The following RIMOC1 variants were observed in gnomAD, a reference collection of about 807,000 sequenced individuals.
RIMOC1 encodes RAB7A interacting MON1-CCZ1 complex subunit 1, also known as RAB7A-interacting MON1-CCZ1 complex subunit 1.
At chr5:41,917,149 T>G in the RIMOC1 span, 1 of 1,613,856 alleles carries the variant, frequency 6.2e-7, no homozygotes, top group Non-Finnish European at 8.5e-7. Context: ...CGGGCTGCAC[T>G]ACATACAAGG....
the RIMOC1 span, among the ~76,000 whole-genome samples, chr5:41,906,554 G>A: frequency 6.6e-6 from 1 of 152,196 alleles, no homozygotes; most frequent in Non-Finnish European, 1.5e-5. Context: ...CATATTCCAT[G>A]TAATTTCAGT....
the RIMOC1 span, chr5:41,921,280 T>A: frequency 1.3e-5 from 2 of 152,594 alleles, no homozygotes; most frequent in African/African-American, 2.4e-5. Flanking sequence ...ACCACATTTT[T>A]AAAAACTCAC....
the RIMOC1 span, among the ~76,000 whole-genome samples, chr5:41,913,689 GTTTC>G: frequency 6.6e-6 from 1 of 152,046 alleles, no homozygotes; most frequent in African/African-American, 2.4e-5. Context: ...AATTCTTCCT[GTTTC>G]TTTGTTAGCC....
At chr5:41,904,571 C>T in the RIMOC1 span, 1 of 1,114,822 alleles carries the variant, frequency 9.0e-7, no homozygotes, top group Admixed American at 2.2e-5. Context: ...TCCTTTGGGT[C>T]CCAGGCCGCA....
chr5:41,916,304 AG>A, the RIMOC1 span: 1 of 627,518 alleles, frequency 1.6e-6, no homozygotes, highest in South Asian at 7.1e-5. Flanking sequence ...TTTTTATTCT[AG>A]GTTTATTTGT....
At chr5:41,918,060 C>G in the RIMOC1 span, 2 of 984,994 alleles carry the variant, frequency 2.0e-6, no homozygotes, top group Non-Finnish European at 2.4e-6. Flanking sequence ...ATGTTTTTTG[C>G]CTTTAATAAT....
At chr5:41,915,775 T>C in the RIMOC1 span, among the ~76,000 whole-genome samples, 1 of 152,182 alleles carries the variant, frequency 6.6e-6, no homozygotes, top group Non-Finnish European at 1.5e-5. Flanking sequence ...ATGGGAATTA[T>C]GAGGGTACAA....
chr5:41,905,333 G>C, the RIMOC1 span, among the ~76,000 whole-genome samples: 13 of 152,192 alleles, frequency 8.5e-5, no homozygotes, highest in African/African-American at 3.1e-4. Context: ...TTTATCAGGA[G>C]TGTTTTGTTT....
the RIMOC1 span, chr5:41,911,166 G>A: frequency 1.2e-6 from 2 of 1,601,900 alleles, no homozygotes; most frequent in Admixed American, 1.8e-5. Context: ...AGAAAATCCA[G>A]TTTGCTTAAA....
At chr5:41,917,351 G>A in the RIMOC1 span, 1 of 1,511,722 alleles carries the variant, frequency 6.6e-7, no homozygotes. Context: ...CCATGAAATG[G>A]AAAAGAGAGT....
the RIMOC1 span, among the ~76,000 whole-genome samples, chr5:41,908,151 G>A: frequency 6.6e-6 from 1 of 151,874 alleles, no homozygotes; most frequent in Non-Finnish European, 1.5e-5. Context: ...AAGTTTCAGA[G>A]GGAGCAGGGG....
the RIMOC1 span, chr5:41,918,611 C>T: frequency 1.0e-6 from 1 of 985,368 alleles, no homozygotes; most frequent in Non-Finnish European, 1.2e-6. Context: ...GGTAGTCCTT[C>T]AAAGTAGAAT....
the RIMOC1 span, among the ~76,000 whole-genome samples, chr5:41,907,439 T>C: frequency 6.6e-6 from 1 of 152,124 alleles, no homozygotes; most frequent in Admixed American, 6.5e-5. Flanking sequence ...GAGTGCATTA[T>C]CATAAAAGAA....
chr5:41,911,466 C>T, the RIMOC1 span: 1 of 179,362 alleles, frequency 5.6e-6, no homozygotes, highest in Non-Finnish European at 1.1e-5. Context: ...AATTTTTGTC[C>T]TGAAAGAAAC....
chr5:41,915,917 T>A, the RIMOC1 span, among the ~76,000 whole-genome samples: 1 of 152,170 alleles, frequency 6.6e-6, no homozygotes, highest in African/African-American at 2.4e-5. Flanking sequence ...GTGAAAACTG[T>A]AGGAACAAAT....
At chr5:41,909,967 T>G in the RIMOC1 span, 2 of 1,216,040 alleles carry the variant, frequency 1.6e-6, no homozygotes, top group Non-Finnish European at 2.3e-6. Context: ...AGTCTATATT[T>G]TTTTCTTCTT....
the RIMOC1 span, chr5:41,910,978 G>T: frequency 6.4e-7 from 1 of 1,554,730 alleles, no homozygotes. Flanking sequence ...ATGAGTTTTT[G>T]AAATTTAACT....
the RIMOC1 span, among the ~76,000 whole-genome samples, chr5:41,908,001 T>G: frequency 6.6e-6 from 1 of 152,184 alleles, no homozygotes; most frequent in African/African-American, 2.4e-5. Context: ...CTTAAAACTT[T>G]GAGGTAGTAT....
At chr5:41,915,036 A>G in the RIMOC1 span, among the ~76,000 whole-genome samples, 12 of 152,226 alleles carry the variant, frequency 7.9e-5, no homozygotes, top group African/African-American at 1.9e-4. Context: ...AAAACTGTGT[A>G]TGGTTTTTGT....
Sources: gnomAD v4.1 joint callset for allele counts (sites outside exome capture counted in the v4.1 genomes callset) on GRCh38, gnomAD v4.1.1 for gene constraint, MANE v1.5 for transcripts, NCBI Gene and HGNC (gene_info 2026-07-23, HGNC 2026-07-21) for gene names.